Variants in SLC38A4 observed in about 807,000 individuals in gnomAD.
SLC38A4 encodes solute carrier family 38 member 4, also known as sodium-coupled neutral amino acid transporter 4.
Under a neutral mutation model 63.1 loss-of-function variants are expected in SLC38A4, and 20 were observed. That is an observed-to-expected ratio of 0.32 (90% CI 0.22 to 0.46). The LOEUF (loss-of-function observed/expected upper bound fraction) is 0.46, where lower values mean the gene tolerates loss of function less well. Ranked by LOEUF, SLC38A4 falls within the 20% of genes least tolerant of loss-of-function variation. The probability of loss-of-function intolerance (pLI) is 1.00; values close to 1 mark genes in which losing one functional copy is unlikely to be tolerated. For synonymous variants in SLC38A4, 230 were observed against 225.5 expected (o/e 1.02, Z -0.18); for missense variants, 526 against 663.6 (o/e 0.79, Z 2.28).
At chr12:46,795,779 T>C (rs183287569) in intron 2 of SLC38A4, among the ~76,000 whole-genome samples, 82 of 152,224 alleles carry the variant, frequency 5.4e-4, no homozygotes, top group Admixed American at 4.3e-3. Flanking sequence ...CTTCTATTGA[T>C]GAGTCTGGCT....
chr12:46,785,005 G>T, intron 6 of SLC38A4, 99 bp downstream of exon 6: 1 of 1,040,618 alleles, frequency 9.6e-7, no homozygotes, highest in Non-Finnish European at 1.5e-6. Flanking sequence ...AATGAAATGT[G>T]AAACTGACTA....
rs1002603009 is a variant in SLC38A4, at chr12:46,820,867, G to A, written c.-305+5036C>T. ...ATCTTTTGTGTTTTTGATAATAGCC[G>A]TCCTAATGTGTGTGTGGTGATATTT... On this transcript the variant is annotated intron_variant, in intron 1 of 16. Transcript: ENST00000266579. Among the ~76,000 whole-genome samples, 9 of 151,882 alleles carry A rather than the reference G, an allele frequency of 5.9e-5. No individual in the cohort carries two copies. In the South Asian group the frequency reaches 6.2e-4, roughly 11 times the overall value.
chr12:46,832,146 T>C (rs536912707), intron 1 of SLC38A4, among the ~76,000 whole-genome samples: 3 of 152,096 alleles, frequency 2.0e-5, no homozygotes, highest in Admixed American at 6.5e-5. Flanking sequence ...TTAGGAACTA[T>C]GAGCATGTCA....
rs1565663680 is a variant in SLC38A4, at chr12:46,775,176, A to G, written c.1175-3T>C. 5 of 1,610,802 alleles carry G rather than the reference A, an allele frequency of 3.1e-6. No individual in the cohort carries two copies. Among genetic ancestry groups the G allele is most frequent in the South Asian group, 1.1e-5 (1 of 90,630 alleles). On this transcript the variant is annotated splice_polypyrimidine_tract_variant and splice_region_variant and intron_variant, in intron 13 of 16. Transcript: ENST00000266579. ...AAGTAATTCATCTTCAACTTCTCCTACAACAGGAAAAAGAGAATGAAACCG... is the reference window on the plus strand; with the variant it reads ...AAGTAATTCATCTTCAACTTCTCCTGCAACAGGAAAAAGAGAATGAAACCG...
chr12:46,816,519 T>C (rs1369298598), intron 1 of SLC38A4, among the ~76,000 whole-genome samples: 1 of 151,972 alleles, frequency 6.6e-6, no homozygotes, highest in Non-Finnish European at 1.5e-5. Flanking sequence ...TTCTAAAGTA[T>C]ATGCATAAAA....
intron 1 of SLC38A4, among the ~76,000 whole-genome samples, chr12:46,820,746 C>A (rs1939527993): frequency 1.3e-5 from 2 of 151,944 alleles, no homozygotes; most frequent in African/African-American, 4.8e-5. Flanking sequence ...TTTTTAGGAA[C>A]CTCCATACTG....
intron 13 of SLC38A4, among the ~76,000 whole-genome samples, chr12:46,776,237 C>T (rs34246069): frequency 5.0e-4 from 76 of 152,038 alleles, no homozygotes; most frequent in South Asian, 2.1e-4. Context: ...GTTTATGTGG[C>T]CACACTTCAT....
At chr12:46,777,769 G>T (rs1938560890) in intron 12 of SLC38A4, among the ~76,000 whole-genome samples, 1 of 152,002 alleles carries the variant, frequency 6.6e-6, no homozygotes, top group Non-Finnish European at 1.5e-5. Context: ...TAGACCATCA[G>T]CTGGAAGAAA....
upstream of SLC38A4, among the ~76,000 whole-genome samples, chr12:46,830,595 G>A (rs1216179551): frequency 3.3e-5 from 5 of 152,292 alleles, no homozygotes; most frequent in African/African-American, 1.2e-4. Flanking sequence ...CACTGTTGAA[G>A]CTCTGGCCTC....
At chr12:46,785,673 AG>A (rs1938743536) in intron 5 of SLC38A4, among the ~76,000 whole-genome samples, 1 of 146,940 alleles carries the variant, frequency 6.8e-6, no homozygotes, top group African/African-American at 2.5e-5. Flanking sequence ...TGTAAGATAG[AG>A]GGGCAGGCAG....
At chr12:46,800,965 A>G (rs186144755) in intron 2 of SLC38A4, among the ~76,000 whole-genome samples, 1 of 152,150 alleles carries the variant, frequency 6.6e-6, no homozygotes, top group Non-Finnish European at 1.5e-5. Context: ...AATGCTTCTA[A>G]AAGAAAAGTC....
Position 46,788,044 on chromosome 12 carries a change from G to A in SLC38A4, c.211-13C>T. ...TGGTTCCGGGATGCTTGAAAAAGAA[G>A]GGATGTATTATAAGCAAACATTTGC... is the stretch of plus-strand genomic sequence containing the variant. On this transcript the variant is annotated splice_polypyrimidine_tract_variant and intron_variant, in intron 4 of 16. Transcript: ENST00000266579. The A allele has an allele frequency of 1.3e-6, 2 of 1,595,578 alleles. No homozygotes were observed. The highest frequency in any genetic ancestry group is 1.1e-5 in the South Asian group (1 of 90,612).
intron 12 of SLC38A4, 48 bp downstream of exon 12, chr12:46,778,241 A>G (rs761968893): frequency 2.2e-5 from 34 of 1,556,120 alleles, no homozygotes; most frequent in Non-Finnish European, 8.0e-6. Context: ...TGAACATATG[A>G]GCAGAATTTC....
chr12:46,777,877 G>A (rs1447950962), intron 12 of SLC38A4, among the ~76,000 whole-genome samples: 2 of 152,036 alleles, frequency 1.3e-5, no homozygotes, highest in East Asian at 3.9e-4. Flanking sequence ...ACAAGGGTTA[G>A]GTGCTGACTA....
At chr12:46,829,936 T>C (rs1049613644), upstream of SLC38A4, among the ~76,000 whole-genome samples, 4 of 152,326 alleles carry the variant, frequency 2.6e-5, no homozygotes, top group Non-Finnish European at 5.9e-5. Context: ...CTCATAAGTT[T>C]GTTATGAAGG....
intron 14 of SLC38A4, among the ~76,000 whole-genome samples, chr12:46,769,645 C>G (rs1208402481): frequency 1.3e-5 from 2 of 151,972 alleles, no homozygotes; most frequent in Non-Finnish European, 2.9e-5. Context: ...TGGTATTAAG[C>G]ATAGTCATTT....
rs1312969498 is a variant in SLC38A4 at position 46,803,603 on chromosome 12, C to A, written c.-113G>T. ...AATATTCATGTAAAAACAGCTGTAC[C>A]TTAATTATTTATCCAGTCCTGTGCA... is the stretch of plus-strand genomic sequence containing the variant. On this transcript the variant is annotated splice_region_variant and 5_prime_UTR_variant, in exon 2 of 17. Coordinates refer to ENST00000266579, the MANE Select transcript of SLC38A4 (RefSeq NM_018018.5). The A allele has an allele frequency of 6.6e-6, 1 of 151,636 alleles. No individual in the cohort carries two copies. The highest frequency in any genetic ancestry group is 2.4e-5 in the African/African-American group (1 of 41,316). The allele number at this position is 151,636 out of a possible 1,614,324, so 9.4% of individuals were successfully genotyped here. A position where few individuals can be genotyped will look rare whatever the true frequency, so the allele number is the denominator to read the frequency against.
chr12:46,768,716 T>C (rs910127483), intron 15 of SLC38A4, among the ~76,000 whole-genome samples: 1 of 152,064 alleles, frequency 6.6e-6, no homozygotes, highest in Non-Finnish European at 1.5e-5. Flanking sequence ...GTGGCTGAAC[T>C]CATGACACAC....
rs760484640 is a variant in SLC38A4 at position 46,788,638 on chromosome 12, A to C, written c.120-20T>G. ...AATTGACTGAACACACACACACACA[A>C]ATAAGAAAGTGAAAACATCTAAATA... On this transcript the variant is annotated intron_variant, in intron 3 of 16. Transcript: ENST00000266579. 6.6e-7 allele frequency: 1 copy of C among 1,519,528 alleles called. No individual in the cohort carries two copies. 94.1% of individuals were successfully genotyped at this position (1,519,528 alleles called of 1,614,324 possible). A position where few individuals can be genotyped will look rare whatever the true frequency, so the allele number is the denominator to read the frequency against.
Sources: allele counts gnomAD v4.1 joint callset (sites outside exome capture counted in the v4.1 genomes callset), GRCh38; gene constraint gnomAD v4.1.1; transcripts MANE v1.5; gene names NCBI Gene and HGNC (gene_info 2026-07-23, HGNC 2026-07-21).